The following RBMS3 variants were observed in gnomAD, a reference collection of about 807,000 sequenced individuals.
RBMS3 encodes the protein RNA-binding motif, single-stranded-interacting protein 3.
Under a neutral mutation model 66.8 loss-of-function variants are expected in RBMS3, and 27 were observed. That is an observed-to-expected ratio of 0.40 (90% CI 0.30 to 0.56). The LOEUF (loss-of-function observed/expected upper bound fraction) is 0.56, where lower values mean the gene tolerates loss of function less well. Ranked by LOEUF, RBMS3 falls within the 20% of genes least tolerant of loss-of-function variation. The pLI is 0.40. For synonymous variants in RBMS3, 188 were observed against 183.0 expected (o/e 1.03, Z -0.22); for missense variants, 513 against 549.5 (o/e 0.93, Z 0.66).
At chr3:29,825,839 C>T (rs1341510605) in intron 6 of RBMS3, among the ~76,000 whole-genome samples, 2 of 152,136 alleles carry the variant, frequency 1.3e-5, no homozygotes, top group Non-Finnish European at 2.9e-5. Flanking sequence ...TAAGATTAGG[C>T]ACTAATGTTA....
chr3:29,579,395 T>C (rs1337033943), intron 3 of RBMS3, among the ~76,000 whole-genome samples: 1 of 152,170 alleles, frequency 6.6e-6, no homozygotes, highest in Non-Finnish European at 1.5e-5. Context: ...CTGAGGTCAT[T>C]ACCTCTATTC....
At chr3:29,898,591 TGG>T (rs2060180949) in intron 9 of RBMS3, among the ~76,000 whole-genome samples, 2 of 151,596 alleles carry the variant, frequency 1.3e-5, no homozygotes, top group Admixed American at 1.3e-4. Flanking sequence ...AACATATCCG[TGG>T]GCAAATGGAA....
At position 29,627,518 on chromosome 3, in the gene RBMS3, G is replaced by A. The variant is rs76790214; in HGVS notation, c.399+40313G>A. Among the ~76,000 whole-genome samples, 685 of 152,190 alleles carry A rather than the reference G, an allele frequency of 4.5e-3. 2 individuals are homozygous for A. The highest frequency in any genetic ancestry group is 7.2e-3 in the Non-Finnish European group (491 of 68,000). Reference sequence around the variant, plus strand: ...GTCCTAGGAGGCAAAATTGTCCCCAGTTGAGAACCACTACTCTAAAGCATT... The same window carrying A: ...GTCCTAGGAGGCAAAATTGTCCCCAATTGAGAACCACTACTCTAAAGCATT... On this transcript the variant is annotated intron_variant, in intron 4 of 14. Coordinates refer to ENST00000383767, the MANE Select transcript of RBMS3 (RefSeq NM_001003793.3).
At chr3:29,866,599 T>C (rs1363593067) in intron 6 of RBMS3, among the ~76,000 whole-genome samples, 1 of 152,226 alleles carries the variant, frequency 6.6e-6, no homozygotes, top group Non-Finnish European at 1.5e-5. Flanking sequence ...AGGATGAGTT[T>C]ACATGTGATA....
intron 8 of RBMS3, among the ~76,000 whole-genome samples, chr3:29,889,583 C>G (rs1489427852): frequency 2.0e-5 from 3 of 151,480 alleles, no homozygotes; most frequent in Non-Finnish European, 4.4e-5. Flanking sequence ...TTAAAGGAAC[C>G]TGGTGTGGTA....
Position 29,739,886 on chromosome 3 carries a change from C to A in RBMS3, c.557+9C>A. 1.4e-5 allele frequency: 21 copies of A among 1,540,364 alleles called. No individual in the cohort carries two copies. The highest frequency in any genetic ancestry group is 1.8e-5 in the Non-Finnish European group (21 of 1,146,190). Reference sequence around the variant, plus strand: ...GGTGTTGGCTTTGCCAGGTAAAATTCTTTCTTTGTATGTAATCGTTCTTTC... The same window carrying A: ...GGTGTTGGCTTTGCCAGGTAAAATTATTTCTTTGTATGTAATCGTTCTTTC... On this transcript the variant is annotated intron_variant, in intron 5 of 14. Coordinates refer to ENST00000383767, the MANE Select transcript of RBMS3 (RefSeq NM_001003793.3).
chr3:29,294,715 G>A lies in RBMS3; in HGVS notation c.75+12959G>A, dbSNP rs935376814. Among the ~76,000 whole-genome samples the A allele has an allele frequency of 5.9e-5, 9 of 151,682 alleles. No individual in the cohort carries two copies. The East Asian group carries it at 1.8e-3, about 30-fold the overall frequency. On this transcript the variant is annotated intron_variant, in intron 1 of 14. Coordinates refer to ENST00000383767, the MANE Select transcript of RBMS3 (RefSeq NM_001003793.3). ...GGTTGGCAGAAAGTTGGACATATCA[G>A]GAAACTAACTTAGCTTGAAGAACTA... is the stretch of plus-strand genomic sequence containing the variant.
chr3:29,564,506 T>G (rs62236006), intron 3 of RBMS3, among the ~76,000 whole-genome samples: 1 of 151,340 alleles, frequency 6.6e-6, no homozygotes, highest in African/African-American at 2.4e-5. Context: ...AAAAAAAATT[T>G]AGTTCTCTGA....
intron 1 of RBMS3, among the ~76,000 whole-genome samples, chr3:29,309,646 C>G (rs2196552): frequency 0.97 from 146,484 of 151,598 alleles, 70,924 homozygotes; most frequent in African/African-American, 0.99. Context: ...GAATTTGTCA[C>G]AGAGATGGAA....
At chr3:29,709,298 T>C (rs1347640113) in intron 4 of RBMS3, among the ~76,000 whole-genome samples, 6 of 152,162 alleles carry the variant, frequency 3.9e-5, no homozygotes, top group African/African-American at 1.4e-4. Flanking sequence ...TGCTTTATGT[T>C]TGGTAGCTCT....
At chr3:29,408,842 G>A (rs2040140620) in intron 1 of RBMS3, among the ~76,000 whole-genome samples, 1 of 152,332 alleles carries the variant, frequency 6.6e-6, no homozygotes, top group Middle Eastern at 3.4e-3. Flanking sequence ...TTTTCACAAA[G>A]CATGTTTTGT....
At chr3:29,377,435 A>G (rs2038534916) in intron 1 of RBMS3, among the ~76,000 whole-genome samples, 3 of 152,316 alleles carry the variant, frequency 2.0e-5, no homozygotes, top group African/African-American at 7.2e-5. Flanking sequence ...CCAAACTGCG[A>G]TTAATTTTTG....
At chr3:29,376,830 G>A (rs1001284681) in intron 1 of RBMS3, among the ~76,000 whole-genome samples, 2 of 151,758 alleles carry the variant, frequency 1.3e-5, no homozygotes, top group Non-Finnish European at 2.9e-5. Context: ...TGTTGAACCC[G>A]GGAGGCGGAG....
chr3:29,473,690 C>T (rs1559390603), intron 2 of RBMS3, among the ~76,000 whole-genome samples: 1 of 152,236 alleles, frequency 6.6e-6, no homozygotes, highest in African/African-American at 2.4e-5. Flanking sequence ...AGTGCAGCGC[C>T]AGTGGGCCGG....
At chr3:29,556,708 T>G (rs891129133) in intron 3 of RBMS3, among the ~76,000 whole-genome samples, 3 of 152,156 alleles carry the variant, frequency 2.0e-5, no homozygotes, top group Non-Finnish European at 2.9e-5. Context: ...TGTGAGCCCC[T>G]CCCCAGACTT....
chr3:29,481,372 A>C (rs2125819371), intron 2 of RBMS3, among the ~76,000 whole-genome samples: 1 of 152,282 alleles, frequency 6.6e-6, no homozygotes, highest in South Asian at 2.1e-4. Context: ...TAGAAGGCAA[A>C]TGGTTCTGGA....
At chr3:29,754,197 C>T (rs753045647) in intron 5 of RBMS3, among the ~76,000 whole-genome samples, 7 of 152,174 alleles carry the variant, frequency 4.6e-5, no homozygotes, top group Admixed American at 1.3e-4. Context: ...AAGTGATCCT[C>T]TTGCCTCAGC....
intron 8 of RBMS3, among the ~76,000 whole-genome samples, chr3:29,891,776 CCTTAT>C (rs1443293595): frequency 4.6e-5 from 7 of 151,358 alleles, no homozygotes; most frequent in Non-Finnish European, 7.4e-5. Context: ...AATATGGAAA[CCTTAT>C]CTTATTACAC....
At chr3:29,955,606 G>A (rs757005905) in intron 12 of RBMS3, among the ~76,000 whole-genome samples, 8 of 151,896 alleles carry the variant, frequency 5.3e-5, no homozygotes, top group Admixed American at 2.6e-4. Flanking sequence ...AGTATGCCTT[G>A]GCACAGTACC....
Sources: gnomAD v4.1 joint callset for allele counts (sites outside exome capture counted in the v4.1 genomes callset) on GRCh38, gnomAD v4.1.1 for gene constraint, MANE v1.5 for transcripts, NCBI Gene and HGNC (gene_info 2026-07-23, HGNC 2026-07-21) for gene names.